Variants in NRG1 observed in about 807,000 individuals in gnomAD.
NRG1 encodes the protein pro-neuregulin-1, membrane-bound isoform.
NRG1 carries 18 observed loss-of-function variants against 63.8 expected under a neutral mutation model. The ratio of observed to expected loss-of-function variants is 0.28; its 90% confidence interval spans 0.19 to 0.42. NRG1 has a LOEUF of 0.42. Among genes scored for constraint, NRG1 ranks in the 10% least tolerant of loss-of-function variants. NRG1 has a pLI of 1.00. For synonymous variants in NRG1, 302 were observed against 301.3 expected (o/e 1.00, Z -0.02); for missense variants, 762 against 814.7 (o/e 0.94, Z 0.79).
At chr8:32,525,961 T>A (rs1333669536) in intron 1 of NRG1, among the ~76,000 whole-genome samples, 2 of 152,224 alleles carry the variant, frequency 1.3e-5, no homozygotes, top group Admixed American at 1.3e-4. Context: ...TGTGTGTCGA[T>A]ACCCATTTTA....
intron 1 of NRG1, among the ~76,000 whole-genome samples, chr8:31,805,536 A>G (rs1822181252): frequency 6.6e-6 from 1 of 152,130 alleles, no homozygotes; most frequent in African/African-American, 2.4e-5. Flanking sequence ...CTTTAAAATG[A>G]AGTGAATACC....
chr8:31,941,739 C>T (rs1585935868), intron 1 of NRG1, among the ~76,000 whole-genome samples: 1 of 152,036 alleles, frequency 6.6e-6, no homozygotes, highest in East Asian at 1.9e-4. Context: ...CTCTGCTATA[C>T]ACTAACAGCA....
At chr8:31,700,789 A>T (rs1810551790) in intron 1 of NRG1, among the ~76,000 whole-genome samples, 1 of 152,130 alleles carries the variant, frequency 6.6e-6, no homozygotes, top group Admixed American at 6.6e-5. Context: ...CTACTCATGG[A>T]TCTGTCAGGT....
intron 1 of NRG1, among the ~76,000 whole-genome samples, chr8:32,279,535 T>C (rs893758807): frequency 3.3e-5 from 5 of 152,088 alleles, no homozygotes; most frequent in African/African-American, 9.7e-5. Context: ...ATATTTTTAG[T>C]AGAGATGGGG....
At chr8:32,227,201 G>C (rs942793762) in intron 1 of NRG1, among the ~76,000 whole-genome samples, 1 of 152,152 alleles carries the variant, frequency 6.6e-6, no homozygotes, top group Non-Finnish European at 1.5e-5. Flanking sequence ...AGCCAGGTCT[G>C]GTGAACACTC....
Position 32,470,461 on chromosome 8 carries a change from T to C in NRG1, c.38-125367T>C, listed in dbSNP as rs557841497. ...CCTCATGATCCGCCTCCCTCAGCCT[T>C]CCAAAGTACTGGGATTACAGGCGTG... On this transcript the variant is annotated intron_variant, in intron 1 of 10. Transcript: ENST00000519301. Among the ~76,000 whole-genome samples, 39 of 149,066 alleles carry C rather than the reference T, an allele frequency of 2.6e-4. No homozygotes were observed. The East Asian group carries it at 5.1e-3, about 19-fold the overall frequency.
intron 1 of NRG1, among the ~76,000 whole-genome samples, chr8:31,844,058 T>C (rs1826445254): frequency 6.6e-6 from 1 of 152,212 alleles, no homozygotes; most frequent in African/African-American, 2.4e-5. Flanking sequence ...ATGATGTTGT[T>C]ACTGTTATTA....
chr8:32,635,438 A>G (rs1851149857), intron 5 of NRG1, among the ~76,000 whole-genome samples: 1 of 152,212 alleles, frequency 6.6e-6, no homozygotes, highest in African/African-American at 2.4e-5. Context: ...GATTGTGAAA[A>G]GAAGTTCATT....
upstream of NRG1, among the ~76,000 whole-genome samples, chr8:32,547,938 C>T (rs1411369277): frequency 6.6e-6 from 1 of 152,148 alleles, no homozygotes; most frequent in Non-Finnish European, 1.5e-5. Flanking sequence ...TGGGACGGAG[C>T]AGCCCTCCCA....
intron 1 of NRG1, among the ~76,000 whole-genome samples, chr8:32,197,223 A>C (rs1456598604): frequency 6.6e-6 from 1 of 151,754 alleles, no homozygotes; most frequent in Non-Finnish European, 1.5e-5. Context: ...CGGCCTCCCA[A>C]AGTGCTGGGA....
intron 1 of NRG1, chr8:32,139,593 C>T (rs1353782646): frequency 6.6e-6 from 1 of 152,134 alleles, no homozygotes; most frequent in African/African-American, 2.4e-5. Context: ...TTATAGCAGG[C>T]ATATTAACAT....
intron 1 of NRG1, among the ~76,000 whole-genome samples, chr8:32,260,545 G>A (rs181108926): frequency 3.9e-4 from 59 of 152,254 alleles, no homozygotes; most frequent in African/African-American, 1.3e-3. Context: ...ATGCACTATA[G>A]ATGAGTATGT....
intron 1 of NRG1, among the ~76,000 whole-genome samples, chr8:32,403,067 G>A (rs1213724511): frequency 6.6e-6 from 1 of 151,946 alleles, no homozygotes; most frequent in Non-Finnish European, 1.5e-5. Context: ...GGGAGGCCAA[G>A]ACGGGTGGAT....
At chr8:32,151,940 G>GAC (rs1226199546) in intron 1 of NRG1, among the ~76,000 whole-genome samples, 2 of 151,578 alleles carry the variant, frequency 1.3e-5, no homozygotes, top group Non-Finnish European at 2.9e-5. Context: ...GAGAGAGAGA[G>GAC]AAAAATGAAA....
intron 1 of NRG1, among the ~76,000 whole-genome samples, chr8:31,953,074 A>G (rs939331200): frequency 1.3e-5 from 2 of 152,194 alleles, no homozygotes; most frequent in Non-Finnish European, 2.9e-5. Flanking sequence ...TTTCAATAGC[A>G]AGTGAGCCCC....
intron 1 of NRG1, among the ~76,000 whole-genome samples, chr8:32,067,550 C>T (rs6982168): frequency 0.98 from 148,625 of 152,224 alleles, 72,655 homozygotes; most frequent in East Asian, 1. Flanking sequence ...CACTTGATCA[C>T]GGTGGATAAG....
chr8:31,947,075 T>C (rs868605081), intron 1 of NRG1, among the ~76,000 whole-genome samples: 5 of 148,022 alleles, frequency 3.4e-5, no homozygotes, highest in Admixed American at 3.4e-4. Flanking sequence ...CCGAGGCGGG[T>C]GGATCATGAG....
intron 1 of NRG1, among the ~76,000 whole-genome samples, chr8:31,847,802 T>G (rs1339867747): frequency 6.6e-6 from 1 of 152,246 alleles, no homozygotes; most frequent in Non-Finnish European, 1.5e-5. Context: ...AAGCTCATAC[T>G]GTCCTTTCAA....
intron 1 of NRG1, among the ~76,000 whole-genome samples, chr8:31,830,359 TTCCCTCCTTCCC>T (rs1449531721): frequency 8.5e-4 from 48 of 56,620 alleles, no homozygotes; most frequent in Middle Eastern, 8.3e-3. Context: ...CCTTCCTTCC[TTCCCTCCTTCCC>T]TCCTTCCCTC....
Sources: allele counts gnomAD v4.1 joint callset (sites outside exome capture counted in the v4.1 genomes callset), GRCh38; gene constraint gnomAD v4.1.1; transcripts MANE v1.5; gene names NCBI Gene and HGNC (gene_info 2026-07-23, HGNC 2026-07-21).